LRMDA: variants seen among roughly 807,000 people sequenced by gnomAD.
LRMDA encodes the protein leucine-rich melanocyte differentiation-associated protein.
Under a neutral mutation model 29.8 loss-of-function variants are expected in LRMDA, and 18 were observed. The observed-to-expected ratio is 0.60, with a 90% CI of 0.42 to 0.90. The LOEUF is 0.90. Ranked by LOEUF, LRMDA falls within the 40% of genes least tolerant of loss-of-function variation. The pLI, the probability that LRMDA is intolerant of heterozygous loss-of-function variation, is 0.00. For missense variants in LRMDA, 273 were observed against 273.9 expected (o/e 1.00, Z 0.02); for synonymous variants, 125 against 109.4 (o/e 1.14, Z -0.89).
chr10:76,482,347 T>G (rs1267884358), intron 6 of LRMDA, among the ~76,000 whole-genome samples: 1 of 151,956 alleles, frequency 6.6e-6, no homozygotes, highest in Non-Finnish European at 1.5e-5. Context: ...CCCCACTGTC[T>G]TCATTATCTC....
intron 5 of LRMDA, among the ~76,000 whole-genome samples, chr10:76,253,604 C>G (rs1029708184): frequency 3.9e-5 from 6 of 151,984 alleles, no homozygotes; most frequent in Non-Finnish European, 7.4e-5. Context: ...TTGCTACTAT[C>G]TTTTCAACGT....
chr10:75,960,899 G>A (rs544300312), intron 2 of LRMDA, among the ~76,000 whole-genome samples: 1 of 152,212 alleles, frequency 6.6e-6, no homozygotes, highest in African/African-American at 2.4e-5. Context: ...ACAGGTGTGA[G>A]CCACCACACC....
chr10:75,459,520 T>A (rs1305444063), intron 2 of LRMDA, among the ~76,000 whole-genome samples: 1 of 152,182 alleles, frequency 6.6e-6, no homozygotes, highest in Non-Finnish European at 1.5e-5. Flanking sequence ...GTTGGTTTAA[T>A]CCAGTGGTTT....
At chr10:76,241,812 G>A (rs191635697) in intron 5 of LRMDA, among the ~76,000 whole-genome samples, 1 of 152,268 alleles carries the variant, frequency 6.6e-6, no homozygotes, top group African/African-American at 2.4e-5. Flanking sequence ...AGAGAGGGTA[G>A]CCACTCACCA....
At chr10:76,077,353 A>G (rs1177329405) in intron 5 of LRMDA, among the ~76,000 whole-genome samples, 1 of 152,212 alleles carries the variant, frequency 6.6e-6, no homozygotes, top group African/African-American at 2.4e-5. Context: ...GATGCACTAG[A>G]GACAGCTGGA....
chr10:75,995,089 T>C (rs1250175003), intron 2 of LRMDA, among the ~76,000 whole-genome samples: 1 of 152,202 alleles, frequency 6.6e-6, no homozygotes, highest in African/African-American at 2.4e-5. Flanking sequence ...AGAGTTAGAA[T>C]GTTGTATCCC....
At chr10:75,544,973 C>T (rs985662318) in intron 2 of LRMDA, among the ~76,000 whole-genome samples, 1 of 151,996 alleles carries the variant, frequency 6.6e-6, no homozygotes, top group Non-Finnish European at 1.5e-5. Flanking sequence ...GGTATTAGCC[C>T]AATGCTTTTA....
chr10:76,103,151 C>A (rs951301592), intron 5 of LRMDA, among the ~76,000 whole-genome samples: 5 of 152,184 alleles, frequency 3.3e-5, no homozygotes, highest in African/African-American at 1.2e-4. Flanking sequence ...GCAAGGAAGT[C>A]ATCTTTCTAC....
chr10:76,427,145 T>C (rs1481876909), intron 6 of LRMDA, among the ~76,000 whole-genome samples: 1 of 152,086 alleles, frequency 6.6e-6, no homozygotes, highest in Non-Finnish European at 1.5e-5. Context: ...GTGAAGAAAG[T>C]CATTGGTAGC....
chr10:76,162,574 T>A (rs1402810306), intron 5 of LRMDA, among the ~76,000 whole-genome samples: 1 of 152,004 alleles, frequency 6.6e-6, no homozygotes, highest in African/African-American at 2.4e-5. Context: ...AGGTGGATAG[T>A]GGGAGCAGGA....
intron 2 of LRMDA, among the ~76,000 whole-genome samples, chr10:75,511,553 C>T (rs1845226280): frequency 6.6e-6 from 1 of 152,156 alleles, no homozygotes; most frequent in Non-Finnish European, 1.5e-5. Flanking sequence ...TGTAAATTGG[C>T]CCAGCTTGGG....
At chr10:75,973,649 AC>A in intron 2 of LRMDA, among the ~76,000 whole-genome samples, 1 of 152,152 alleles carries the variant, frequency 6.6e-6, no homozygotes, top group African/African-American at 2.4e-5. Context: ...CGAATTCCTG[AC>A]CTCAGGTGAT....
chr10:75,847,060 AAAG>A (rs1844651422), intron 2 of LRMDA, among the ~76,000 whole-genome samples: 1 of 152,212 alleles, frequency 6.6e-6, no homozygotes, highest in Non-Finnish European at 1.5e-5. Flanking sequence ...CAATCTTGAA[AAAG>A]AAGAATAAAG....
chr10:76,338,125 G>A (rs1461675298), intron 6 of LRMDA, among the ~76,000 whole-genome samples: 1 of 149,666 alleles, frequency 6.7e-6, no homozygotes, highest in African/African-American at 2.5e-5. Flanking sequence ...AAGAAAGAAA[G>A]GGTACTGCTT....
At chr10:76,462,140 A>T (rs1429936909) in intron 6 of LRMDA, among the ~76,000 whole-genome samples, 1 of 151,874 alleles carries the variant, frequency 6.6e-6, no homozygotes, top group Non-Finnish European at 1.5e-5. Flanking sequence ...ACAACCACCA[A>T]AAAAACCAGA....
chr10:75,720,712 T>G (rs1423252848), intron 2 of LRMDA, among the ~76,000 whole-genome samples: 1 of 152,214 alleles, frequency 6.6e-6, no homozygotes, highest in Non-Finnish European at 1.5e-5. Flanking sequence ...CTCAGAATCC[T>G]TTTAATCACA....
chr10:76,145,017 C>T (rs1850284959), intron 5 of LRMDA, among the ~76,000 whole-genome samples: 1 of 152,134 alleles, frequency 6.6e-6, no homozygotes, highest in Admixed American at 6.5e-5. Flanking sequence ...ATATGTTGAA[C>T]CAGCCTTGCA....
At chr10:76,002,446 A>C (rs1847577829) in intron 2 of LRMDA, among the ~76,000 whole-genome samples, 1 of 152,204 alleles carries the variant, frequency 6.6e-6, no homozygotes, top group Non-Finnish European at 1.5e-5. Context: ...TGTGGGTTTC[A>C]CATCCCAGGC....
chr10:76,239,646 T>G (rs771729476), intron 5 of LRMDA, among the ~76,000 whole-genome samples: 1 of 152,130 alleles, frequency 6.6e-6, no homozygotes, highest in African/African-American at 2.4e-5. Context: ...GAATGAGTTA[T>G]CCTGGGCAAT....
Sources: allele counts gnomAD v4.1 joint callset (sites outside exome capture counted in the v4.1 genomes callset), GRCh38; gene constraint gnomAD v4.1.1; transcripts MANE v1.5; gene names NCBI Gene and HGNC (gene_info 2026-07-23, HGNC 2026-07-21).